The following NFIB variants were observed in gnomAD, a reference collection of about 807,000 sequenced individuals.
NFIB encodes nuclear factor I B, also known as nuclear factor 1 B-type.
A neutral mutation model predicts 61.5 loss-of-function variants in NFIB; 11 were observed. The observed-to-expected ratio is 0.18, with a 90% CI of 0.11 to 0.30. The LOEUF is 0.30. Ranked by LOEUF, NFIB falls within the 10% of genes least tolerant of loss-of-function variation. NFIB has a pLI of 1.00. For synonymous variants in NFIB, 260 were observed against 216.5 expected (o/e 1.20, Z -1.76); for missense variants, 471 against 608.9 (o/e 0.77, Z 2.38).
chr9:14,456,205 T>G, the NFIB span, among the ~76,000 whole-genome samples: 4 of 102,252 alleles, frequency 3.9e-5, no homozygotes, highest in Non-Finnish European at 6.4e-5. Context: ...AGTAACTACT[T>G]GGCATTTTTT....
At chr9:14,347,588 GGGGAGAA>G (rs71321982) in intron 1 of NFIB, among the ~76,000 whole-genome samples, 1 of 151,274 alleles carries the variant, frequency 6.6e-6, no homozygotes, top group Non-Finnish European at 1.5e-5. Flanking sequence ...GATTGGGAGA[GGGGAGAA>G]GGGAGAAGGG....
At chr9:14,498,779 C>T in the NFIB span, among the ~76,000 whole-genome samples, 3 of 107,968 alleles carry the variant, frequency 2.8e-5, no homozygotes, top group African/African-American at 9.9e-5. Flanking sequence ...CCCTCCCTCC[C>T]TCCCTCCCTC....
upstream of NFIB, among the ~76,000 whole-genome samples, chr9:14,314,950 C>A (rs1564003405): frequency 6.6e-6 from 1 of 152,020 alleles, no homozygotes; most frequent in African/African-American, 2.4e-5. Context: ...GCACCGAAAC[C>A]GTCTGAGCCC....
intron 10 of NFIB, among the ~76,000 whole-genome samples, chr9:14,097,868 C>CTT (rs2035082122): frequency 1.7e-5 from 2 of 121,002 alleles, no homozygotes; most frequent in African/African-American, 6.2e-5. Context: ...TTCTTTCTTT[C>CTT]TTTTTTCTTT....
At chr9:14,364,105 A>G (rs948753686) in intron 1 of NFIB, among the ~76,000 whole-genome samples, 1 of 152,178 alleles carries the variant, frequency 6.6e-6, no homozygotes, top group Non-Finnish European at 1.5e-5. Context: ...AAAGGGTATG[A>G]GTATTTCATT....
chr9:14,170,312 A>G (rs2045424990), intron 3 of NFIB, among the ~76,000 whole-genome samples: 1 of 152,144 alleles, frequency 6.6e-6, no homozygotes, highest in African/African-American at 2.4e-5. Context: ...AAGAATTTAA[A>G]CTGAGAGGAA....
chr9:14,234,255 G>A (rs890210827), intron 2 of NFIB, among the ~76,000 whole-genome samples: 1 of 152,152 alleles, frequency 6.6e-6, no homozygotes, highest in Non-Finnish European at 1.5e-5. Context: ...AGAAGTACAT[G>A]CAATAAAAGT....
At chr9:14,315,695 G>A (rs1481345374), upstream of NFIB, among the ~76,000 whole-genome samples, 1 of 151,224 alleles carries the variant, frequency 6.6e-6, no homozygotes, top group Non-Finnish European at 1.5e-5. Flanking sequence ...TTGATTCCAG[G>A]GATTTTGAAG....
the NFIB span, among the ~76,000 whole-genome samples, chr9:14,450,134 G>C: frequency 7.9e-5 from 12 of 151,572 alleles, no homozygotes; most frequent in African/African-American, 2.9e-4. Context: ...CCTACACTCC[G>C]ACAGGCCCCG....
chr9:14,094,015 C>G (rs1222298447), intron 10 of NFIB, among the ~76,000 whole-genome samples: 1 of 152,038 alleles, frequency 6.6e-6, no homozygotes, highest in Non-Finnish European at 1.5e-5. Context: ...CATAACAAAT[C>G]TATGAGAAAG....
the NFIB span, among the ~76,000 whole-genome samples, chr9:14,516,722 A>C: frequency 9.6e-3 from 1,469 of 152,362 alleles, 29 homozygotes; most frequent in African/African-American, 0.034. Flanking sequence ...AGTCGTATCA[A>C]GCCAAACAGG....
Position 14,120,677 on chromosome 9 carries a change from T to G in NFIB, c.1061-53A>C. The G allele has an allele frequency of 6.7e-7, 1 of 1,489,934 alleles. No homozygotes were observed. The allele number at this position is 1,489,934 out of a possible 1,614,324, so 92.3% of individuals were successfully genotyped here. On this transcript the variant is annotated intron_variant, in intron 7 of 10. Coordinates refer to ENST00000380953, the MANE Select transcript of NFIB (RefSeq NM_001190737.2). The surrounding 1 kb of genome is among the most constrained non-coding windows in gnomAD (Gnocchi z 4.4). ...ACTCATCAGCTGGTTACCTTATTGC[T>G]CCATTCTGATCCTGAAGAATGCTGT...
chr9:14,353,741 G>C (rs969852670), intron 1 of NFIB, among the ~76,000 whole-genome samples: 1 of 152,092 alleles, frequency 6.6e-6, no homozygotes, highest in African/African-American at 2.4e-5. Context: ...GGAGTCCACG[G>C]GTCAGATGCC....
intron 1 of NFIB, among the ~76,000 whole-genome samples, chr9:14,349,697 G>A (rs1282074303): frequency 6.6e-6 from 1 of 152,148 alleles, no homozygotes; most frequent in African/African-American, 2.4e-5. Flanking sequence ...CGGAGAAGGA[G>A]GGAAGTTAGC....
the NFIB span, among the ~76,000 whole-genome samples, chr9:14,498,106 T>C: frequency 6.6e-6 from 1 of 152,210 alleles, no homozygotes; most frequent in African/African-American, 2.4e-5. Flanking sequence ...ATTATGTTCA[T>C]TTTATGAGTA....
chr9:14,352,604 CAAGT>C (rs1379313828), intron 1 of NFIB, among the ~76,000 whole-genome samples: 1 of 152,206 alleles, frequency 6.6e-6, no homozygotes, highest in Non-Finnish European at 1.5e-5. Context: ...ATTGGACAAG[CAAGT>C]GTTTCCATGC....
At chr9:14,219,152 G>C (rs2051315328) in intron 2 of NFIB, among the ~76,000 whole-genome samples, 1 of 152,108 alleles carries the variant, frequency 6.6e-6, no homozygotes. Flanking sequence ...ACCTTATGAA[G>C]TTTGGCACAG....
chr9:14,110,395 T>A (rs2037187043), intron 10 of NFIB, among the ~76,000 whole-genome samples: 1 of 152,082 alleles, frequency 6.6e-6, no homozygotes, highest in African/African-American at 2.4e-5. Context: ...AAGGATCATG[T>A]ATATTAAAGG....
the NFIB span, among the ~76,000 whole-genome samples, chr9:14,483,078 C>T: frequency 6.6e-6 from 1 of 152,120 alleles, no homozygotes; most frequent in African/African-American, 2.4e-5. Context: ...AGGAAAATGG[C>T]CCTTCTGGAA....
Sources: allele counts gnomAD v4.1 joint callset (sites outside exome capture counted in the v4.1 genomes callset), GRCh38; gene constraint gnomAD v4.1.1; non-coding constraint Gnocchi (gnomAD v3.1); transcripts MANE v1.5; gene names NCBI Gene and HGNC (gene_info 2026-07-23, HGNC 2026-07-21).